The following GRID2 variants were observed in gnomAD, a reference collection of about 807,000 sequenced individuals.
GRID2 encodes the protein glutamate ionotropic receptor delta type subunit 2, also known as glutamate receptor ionotropic, delta-2.
In GRID2, 33 loss-of-function variants were observed where a neutral mutation model predicts 114.8. The ratio of observed to expected loss-of-function variants is 0.29; its 90% CI spans 0.22 to 0.38. GRID2 has a LOEUF of 0.38. Among genes scored for constraint, GRID2 ranks in the 10% least tolerant of loss-of-function variants. GRID2 has a pLI of 1.00. For synonymous variants in GRID2, 505 were observed against 449.9 expected (o/e 1.12, Z -1.55); for missense variants, 1,184 against 1,257.7 (o/e 0.94, Z 0.89).
chr4:92,935,454 A>G (rs1160519638), intron 2 of GRID2, among the ~76,000 whole-genome samples: 1 of 146,706 alleles, frequency 6.8e-6, no homozygotes, highest in Non-Finnish European at 1.5e-5. Context: ...AAACTAGTTC[A>G]ACCATTGTGG....
chr4:93,172,610 A>G (rs948731421), intron 4 of GRID2, among the ~76,000 whole-genome samples: 7 of 152,100 alleles, frequency 4.6e-5, no homozygotes, highest in African/African-American at 1.7e-4. Context: ...GAAAAAAAAA[A>G]GAAAATAATG....
intron 4 of GRID2, among the ~76,000 whole-genome samples, chr4:93,181,248 A>G (rs1392116952): frequency 6.6e-6 from 1 of 152,150 alleles, no homozygotes; most frequent in African/African-American, 2.4e-5. Context: ...AATAAAGAGT[A>G]ATATCTTCAA....
At chr4:92,897,770 T>G (rs935644985) in intron 2 of GRID2, among the ~76,000 whole-genome samples, 76 of 152,196 alleles carry the variant, frequency 5.0e-4, no homozygotes, top group Admixed American at 4.1e-3. Flanking sequence ...CCTCATTAAC[T>G]CTGTCCCTAA....
chr4:92,601,069 C>A (rs1302275266), intron 2 of GRID2, among the ~76,000 whole-genome samples: 2 of 152,172 alleles, frequency 1.3e-5, no homozygotes, highest in Admixed American at 6.6e-5. Context: ...TGTCCCTACA[C>A]TCCTGCCTGA....
intron 2 of GRID2, among the ~76,000 whole-genome samples, chr4:93,003,489 G>C (rs2149219684): frequency 6.6e-6 from 1 of 151,930 alleles, no homozygotes; most frequent in Admixed American, 6.6e-5. Context: ...AGTTTCCATG[G>C]CTATGGCTAA....
intron 2 of GRID2, among the ~76,000 whole-genome samples, chr4:92,697,458 A>T (rs1224028243): frequency 2.0e-5 from 3 of 152,130 alleles, no homozygotes; most frequent in African/African-American, 4.8e-5. Flanking sequence ...ATTGCAAAAG[A>T]CTCTGCACAG....
At chr4:93,664,162 A>C (rs529940323) in intron 14 of GRID2, among the ~76,000 whole-genome samples, 41 of 152,360 alleles carry the variant, frequency 2.7e-4, no homozygotes, top group African/African-American at 9.6e-4. Flanking sequence ...GCCCTGAGGT[A>C]GAAGCACGAT....
Position 92,636,658 on chromosome 4 carries a change from G to A in GRID2, c.244+46372G>A, listed in dbSNP as rs369262896. On this transcript the variant is annotated intron_variant, in intron 2 of 15. Coordinates refer to ENST00000282020, the MANE Select transcript of GRID2 (RefSeq NM_001510.4). ...GTCAGACTTCAACATACTGTGAAAT[G>A]GTGACATGTCAAAGGTTGCATTATT... Among the ~76,000 whole-genome samples, 21 of 152,010 alleles carry A rather than the reference G, an allele frequency of 1.4e-4. 1 individual carries two copies. The South Asian group carries it at 1.5e-3, about 11-fold the overall frequency.
rs1387628756 is a variant in GRID2 at position 93,110,892 on chromosome 4, A to G, written c.674A>G (p.Asp225Gly). 2 of 1,613,062 alleles carry G rather than the reference A, an allele frequency of 1.2e-6. No homozygotes were observed. The highest frequency in any genetic ancestry group is 1.7e-5 in the Admixed American group (1 of 59,984). Residue 225 changes from aspartate to glycine, a missense_variant, in exon 4 of 16, where the codon GAC becomes GGC. Asp to Gly is a moderately conservative substitution (Grantham distance 94, BLOSUM62 -1). Transcript: ENST00000282020. ...MRIEELNRYRDTLRRAILVMN... is the reference protein window; with the variant it reads ...MRIEELNRYRGTLRRAILVMN... ...ATAGAAGAACTGAATCGCTATCGAG[A>G]CACTCTTAGGCGAGCGATCCTTGTT...
chr4:93,201,798 T>C (rs1475419210), intron 4 of GRID2, among the ~76,000 whole-genome samples: 1 of 152,192 alleles, frequency 6.6e-6, no homozygotes, highest in Non-Finnish European at 1.5e-5. Context: ...GATTTGAGAA[T>C]GAATGATGGA....
intron 2 of GRID2, among the ~76,000 whole-genome samples, chr4:92,665,130 TTTAA>T (rs1444750950): frequency 6.6e-5 from 10 of 151,082 alleles, no homozygotes; most frequent in East Asian, 3.9e-4. Flanking sequence ...GTCTTCTGTG[TTTAA>T]TTGATTTCTT....
intron 2 of GRID2, among the ~76,000 whole-genome samples, chr4:92,771,870 A>C (rs1398119694): frequency 1.3e-5 from 2 of 152,162 alleles, no homozygotes; most frequent in Non-Finnish European, 2.9e-5. Flanking sequence ...CATAGAGCCA[A>C]GATCAGGATC....
At chr4:92,500,113 G>T (rs1005170592) in intron 1 of GRID2, among the ~76,000 whole-genome samples, 2 of 151,930 alleles carry the variant, frequency 1.3e-5, no homozygotes, top group Non-Finnish European at 2.9e-5. Context: ...AGTGTGCAAG[G>T]TTTTTTCTTT....
intron 2 of GRID2, among the ~76,000 whole-genome samples, chr4:92,705,090 G>GCCT (rs1168801200): frequency 6.6e-6 from 1 of 151,808 alleles, no homozygotes; most frequent in African/African-American, 2.4e-5. Flanking sequence ...AGTTCTTCAG[G>GCCT]AAAACAGCAA....
chr4:93,520,226 G>A (rs989110594), intron 13 of GRID2, among the ~76,000 whole-genome samples: 6 of 152,262 alleles, frequency 3.9e-5, no homozygotes, highest in African/African-American at 1.4e-4. Flanking sequence ...GCATTAGAAG[G>A]TGTAATAGAA....
intron 8 of GRID2, among the ~76,000 whole-genome samples, chr4:93,356,231 AT>A (rs1385206813): frequency 3.3e-5 from 5 of 152,040 alleles, no homozygotes; most frequent in Non-Finnish European, 7.4e-5. Flanking sequence ...TACATTTTTA[AT>A]TTTGTCCCTC....
At chr4:92,305,175 TG>T in intron 1 of GRID2, among the ~76,000 whole-genome samples, 1 of 151,930 alleles carries the variant, frequency 6.6e-6, no homozygotes, top group African/African-American at 2.4e-5. Flanking sequence ...AGAACTGGGC[TG>T]GGGGGTAGGG....
rs561127359 is a variant in GRID2, at chr4:92,402,792, CA to C, written c.88+98049del. 3.5e-4 allele frequency among the ~76,000 whole-genome samples: 53 copies of C among 152,280 alleles called. No homozygotes were observed. In the South Asian group the frequency reaches 0.011, roughly 32 times the overall value. On this transcript the variant is annotated intron_variant, in intron 1 of 15. Transcript: ENST00000282020. Reference sequence around the variant, plus strand: ...GGCTTCCTCTTAAAGTGACCTGCTGCATTAGTCTCTAACAAGAGAGTCAGCA... The same window carrying C: ...GGCTTCCTCTTAAAGTGACCTGCTGCTTAGTCTCTAACAAGAGAGTCAGCA...
At chr4:93,246,936 C>G (rs1314823966) in intron 8 of GRID2, among the ~76,000 whole-genome samples, 2 of 152,152 alleles carry the variant, frequency 1.3e-5, no homozygotes, top group African/African-American at 2.4e-5. Context: ...GATTTCACTG[C>G]AGAGTAGAGA....
Sources: allele counts gnomAD v4.1 joint callset (sites outside exome capture counted in the v4.1 genomes callset), GRCh38; gene constraint gnomAD v4.1.1; transcripts MANE v1.5; gene names NCBI Gene and HGNC (gene_info 2026-07-23, HGNC 2026-07-21).